DENND2B: variants seen among roughly 807,000 people sequenced by gnomAD.
The protein encoded by DENND2B is DENN domain-containing protein 2B.
Under a neutral mutation model 116.0 loss-of-function variants are expected in DENND2B, and 32 were observed. The observed-to-expected ratio is 0.28, with a 90% CI of 0.21 to 0.37. The LOEUF is 0.37. Ranked by LOEUF, DENND2B falls within the 10% of genes least tolerant of loss-of-function variation. The pLI is 1.00. For synonymous variants in DENND2B, 588 were observed against 583.9 expected (o/e 1.01, Z -0.10); for missense variants, 1,276 against 1,477.7 (o/e 0.86, Z 2.24).
At chr11:8,892,154 T>C (rs1330438065) in intron 1 of DENND2B, among the ~76,000 whole-genome samples, 8 of 152,188 alleles carry the variant, frequency 5.3e-5, no homozygotes, top group African/African-American at 1.7e-4. Context: ...GGGTACATAA[T>C]GAAATGAAGG....
At chr11:8,865,222 C>A (rs1278855477) in intron 2 of DENND2B, among the ~76,000 whole-genome samples, 1 of 152,170 alleles carries the variant, frequency 6.6e-6, no homozygotes, top group Admixed American at 6.5e-5. Context: ...TGCAATCTCG[C>A]AAAGGCTGGA....
chr11:8,815,277 A>C (rs2061530064), upstream of DENND2B, among the ~76,000 whole-genome samples: 1 of 152,226 alleles, frequency 6.6e-6, no homozygotes, highest in South Asian at 2.1e-4. Flanking sequence ...TGGTTGTAAA[A>C]AGTTCAGAAA....
intron 1 of DENND2B, among the ~76,000 whole-genome samples, chr11:8,908,841 T>C (rs2064271907): frequency 6.6e-6 from 1 of 152,212 alleles, no homozygotes; most frequent in African/African-American, 2.4e-5. Context: ...TGATCCACAT[T>C]CTGTTCTCCA....
intron 4 of DENND2B, among the ~76,000 whole-genome samples, chr11:8,834,775 C>A (rs765793094): frequency 1.3e-5 from 2 of 152,158 alleles, no homozygotes; most frequent in Non-Finnish European, 2.9e-5. Flanking sequence ...TTCAGGCAGT[C>A]GCCCTTTATA....
intron 1 of DENND2B, among the ~76,000 whole-genome samples, chr11:8,754,427 C>T (rs558355889): frequency 1.3e-4 from 20 of 152,122 alleles, no homozygotes; most frequent in Non-Finnish European, 2.5e-4. Flanking sequence ...AAAACAAATG[C>T]TAGTGAGACT....
intron 2 of DENND2B, among the ~76,000 whole-genome samples, chr11:8,738,815 T>A (rs2049616234): frequency 6.6e-6 from 1 of 152,186 alleles, no homozygotes; most frequent in African/African-American, 2.4e-5. Flanking sequence ...ACTTTCCCCT[T>A]CATTATCCCA....
At chr11:8,867,293 T>C (rs370522239) in intron 2 of DENND2B, among the ~76,000 whole-genome samples, 1 of 152,192 alleles carries the variant, frequency 6.6e-6, no homozygotes, top group East Asian at 1.9e-4. Flanking sequence ...TGGCTATAAA[T>C]GTGGGTGTCC....
intron 1 of DENND2B, among the ~76,000 whole-genome samples, chr11:8,888,574 T>C (rs1423475961): frequency 6.6e-6 from 1 of 152,124 alleles, no homozygotes; most frequent in Non-Finnish European, 1.5e-5. Context: ...ATTGATATAT[T>C]GCACTGCATT....
chr11:8,859,836 T>G (rs1011851160), intron 2 of DENND2B, among the ~76,000 whole-genome samples: 7 of 152,152 alleles, frequency 4.6e-5, no homozygotes, highest in African/African-American at 1.7e-4. Flanking sequence ...GCCATGCCAT[T>G]TTCCCACCTG....
intron 2 of DENND2B, among the ~76,000 whole-genome samples, chr11:8,745,652 G>A (rs1321148405): frequency 1.3e-5 from 2 of 152,148 alleles, no homozygotes; most frequent in Non-Finnish European, 2.9e-5. Context: ...AATCAATACA[G>A]CACAATAGAA....
rs1228486789 is a variant in DENND2B, at chr11:8,822,145, A to AT, written c.-114-10811_-114-10810insA. Among the ~76,000 whole-genome samples, 4 of 152,190 alleles carry AT rather than the reference A, an allele frequency of 2.6e-5. No individual in the cohort carries two copies. The East Asian group carries it at 5.8e-4, about 22-fold the overall frequency. On this transcript the variant is annotated intron_variant, in intron 4 of 6. Transcript: ENST00000524757. ...CTTAAGCTAGGTGGTGGGTCACTTA[A>AT]ACTATACATATAAAAATAGACATTC...
Position 8,711,154 on chromosome 11 carries a change from G to A in DENND2B, c.2250C>T (p.Ala750=), listed in dbSNP as rs2043595212. The change falls in exon 10 of 20, where the codon GCC becomes GCT. Residue 750 remains alanine, a synonymous_variant. Transcript: ENST00000313726. ...ACTCTGACACAGGAAGCCAGTCCTT[G>A]GCATCAGGGAAGCAAAACTGGGGAA... is the stretch of plus-strand genomic sequence containing the variant. ...KAIPQFCFPD[A]KDWLPVSEYS... is the part of the protein sequence containing the mutation. 6.2e-7 allele frequency: 1 copy of A among 1,614,152 alleles called. No homozygotes were observed. Among genetic ancestry groups the A allele is most frequent in the Non-Finnish European group, 8.5e-7 (1 of 1,180,036 alleles).
chr11:8,810,843 T>TCTCTCTCTCTCTCTCTCTCTCTCTCTC (rs1555203595), upstream of DENND2B: 2 of 151,914 alleles, frequency 1.3e-5, no homozygotes, highest in African/African-American at 4.9e-5. Flanking sequence ...TCTCTCTCAG[T>TCTCTCTCTCTCTCTCTCTCTCTCTCTC]TCTGGGAGGC....
At chr11:8,826,012 A>G (rs1005082834) in intron 4 of DENND2B, among the ~76,000 whole-genome samples, 1 of 152,218 alleles carries the variant, frequency 6.6e-6, no homozygotes, top group African/African-American at 2.4e-5. Flanking sequence ...ATTGAAAGAA[A>G]AAAAGGAAAT....
intron 4 of DENND2B, chr11:8,718,894 G>A (rs545796197): frequency 9.3e-5 from 92 of 993,210 alleles, no homozygotes; most frequent in South Asian, 4.5e-4. Flanking sequence ...ACCATGGGCC[G>A]GGTCAGTCCT....
intron 4 of DENND2B, chr11:8,831,452 T>G (rs2062202481): frequency 1.3e-5 from 2 of 152,562 alleles, no homozygotes; most frequent in South Asian, 4.1e-4. Context: ...GCCCCCACCA[T>G]CGTCTCTCCA....
intron 19 of DENND2B, among the ~76,000 whole-genome samples, chr11:8,694,903 A>T (rs150178234): frequency 8.3e-4 from 126 of 152,186 alleles, no homozygotes; most frequent in African/African-American, 2.3e-3. Context: ...CTACAAAACA[A>T]ATTTTAAAAA....
chr11:8,731,117 G>A lies in DENND2B; in HGVS notation c.173C>T (p.Pro58Leu). ...SDSETSACRY[P>L]SHSSSRVLLK... ...GAGCACCCGGGAGCTGGAGTGGCTGGGGTACCTGCAGGCTGAGGTTTCACT... is the reference window on the plus strand; with the variant it reads ...GAGCACCCGGGAGCTGGAGTGGCTGAGGTACCTGCAGGCTGAGGTTTCACT... Residue 58 changes from proline to leucine, a missense_variant, in exon 3 of 20, where the codon CCC becomes CTC. By Grantham distance (98) the Pro-to-Leu change is moderately conservative. This residue lies in a region of DENND2B where 856 missense variants were observed against 846.6 expected (regional missense o/e 1.01). Transcript: ENST00000313726. 1.2e-6 allele frequency: 2 copies of A among 1,600,646 alleles called. No homozygotes were observed. The highest frequency in any genetic ancestry group is 1.7e-6 in the Non-Finnish European group (2 of 1,172,510).
At chr11:8,833,078 G>A (rs561563000) in intron 4 of DENND2B, among the ~76,000 whole-genome samples, 2 of 152,384 alleles carry the variant, frequency 1.3e-5, no homozygotes, top group South Asian at 4.1e-4. Context: ...GCAAACCGGA[G>A]GGGAAGCCCA....
Sources: gnomAD v4.1 joint callset for allele counts (sites outside exome capture counted in the v4.1 genomes callset) on GRCh38, gnomAD v4.1.1 for gene constraint, gnomAD v4.1.1 regional missense constraint, MANE v1.5 for transcripts, NCBI Gene and HGNC (gene_info 2026-07-23, HGNC 2026-07-21) for gene names.